VWDE: variants seen among roughly 807,000 people sequenced by gnomAD.
VWDE encodes the protein von Willebrand factor D and EGF domain-containing protein.
In VWDE, 207 loss-of-function variants were observed where a neutral mutation model predicts 178.4. That is an observed-to-expected ratio of 1.16 (90% CI 1.04 to 1.30). VWDE has a LOEUF of 1.30. Among genes scored for constraint, VWDE ranks in the 50% most tolerant of loss-of-function variants. The probability of loss-of-function intolerance (pLI) is 0.00; values close to 1 mark genes in which losing one functional copy is unlikely to be tolerated. For synonymous variants in VWDE, 738 were observed against 651.4 expected (o/e 1.13, Z -2.02); for missense variants, 2,287 against 1,901.3 (o/e 1.20, Z -3.77).
In VWDE at chr7:12,372,448, T is replaced by A. The variant is rs373116005; in HGVS notation, c.1587+529A>T. Among the ~76,000 whole-genome samples the A allele has an allele frequency of 4.3e-4, 66 of 152,198 alleles. 1 individual carries two copies. In the South Asian group the frequency reaches 0.013, roughly 30 times the overall value. On this transcript the variant is annotated intron_variant, in intron 10 of 28. Coordinates refer to ENST00000275358, the MANE Select transcript of VWDE (RefSeq NM_001135924.3). ...TGGAATTACTTGTTTGAAAGATGAA[T>A]GGAAGGTGGCTATGACCTGAAAATA...
intron 13 of VWDE, among the ~76,000 whole-genome samples, chr7:12,362,655 C>T (rs1305351563): frequency 2.0e-5 from 3 of 152,090 alleles, no homozygotes; most frequent in Non-Finnish European, 2.9e-5. Flanking sequence ...TGTCATAGAG[C>T]ATGCTGATGC....
rs1300145381 is a variant in VWDE at position 12,370,274 on chromosome 7, C to T, written c.2032G>A (p.Val678Ile). ...GATGTATGCTTGTTTATCTCTCTGA[C>T]AAGAGTGTCTGAATTAATATATTCG... Reference protein sequence around the residue: ...TSEYINSDTLVREINKHTSPE... With the variant: ...TSEYINSDTLIREINKHTSPE... Residue 678 changes from valine (V) to isoleucine (I), a missense_variant, in exon 12 of 29, where the codon GTC becomes ATC. Physicochemically the swap from Val to Ile is conservative, Grantham distance 29. Coordinates refer to ENST00000275358, the MANE Select transcript of VWDE (RefSeq NM_001135924.3). 1.9e-6 allele frequency: 3 copies of T among 1,551,096 alleles called. No individual in the cohort carries two copies. Among genetic ancestry groups the T allele is most frequent in the African/African-American group, 1.4e-5 (1 of 73,088 alleles).
intron 13 of VWDE, among the ~76,000 whole-genome samples, chr7:12,362,590 T>A (rs1299770870): frequency 6.6e-6 from 1 of 152,098 alleles, no homozygotes; most frequent in Non-Finnish European, 1.5e-5. Context: ...AAAATTTAGA[T>A]TTAGATTTTT....
Position 12,373,242 on chromosome 7 carries a change from T to A in VWDE, c.1322A>T (p.Tyr441Phe). 1 of 1,550,566 alleles carries A rather than the reference T, an allele frequency of 6.4e-7. No individual in the cohort carries two copies. The highest frequency in any genetic ancestry group is 8.7e-7 in the Non-Finnish European group (1 of 1,146,578). ...PHIITFDGRV[Y>F]DNFKTGTFVL... is the part of the protein sequence containing the mutation. ...AAATGTTCCAGTCTTGAAATTATCA[T>A]ATACCCTATCATTAACAAAAGGCAA... is the stretch of plus-strand genomic sequence containing the variant. Residue 441 changes from tyrosine (Y) to phenylalanine (F), a missense_variant, in exon 10 of 29, where the codon TAT becomes TTT. By Grantham distance (22) the Tyr-to-Phe change is conservative. Coordinates refer to ENST00000275358, the MANE Select transcript of VWDE (RefSeq NM_001135924.3).
At chr7:12,352,842 T>A (rs912891521) in intron 18 of VWDE, among the ~76,000 whole-genome samples, 9 of 152,172 alleles carry the variant, frequency 5.9e-5, no homozygotes, top group Non-Finnish European at 1.3e-4. Flanking sequence ...TATAACTTAG[T>A]TTTTTCTCTT....
intron 7 of VWDE, chr7:12,377,549 T>C: frequency 3.0e-6 from 1 of 330,824 alleles, no homozygotes; most frequent in Non-Finnish European, 5.4e-6. Flanking sequence ...TATTCACTAT[T>C]TTTTTTCTTT....
intron 6 of VWDE, 44 bp downstream of exon 6, chr7:12,379,433 T>C (rs1783713023): frequency 2.9e-6 from 4 of 1,400,860 alleles, no homozygotes; most frequent in South Asian, 1.3e-5. Flanking sequence ...GGAAACATAG[T>C]TCCAGAGGAA....
At chr7:12,342,433 G>A (rs1235696799) in intron 22 of VWDE, among the ~76,000 whole-genome samples, 1 of 151,990 alleles carries the variant, frequency 6.6e-6, no homozygotes, top group African/African-American at 2.4e-5. Context: ...AGTTATTGAT[G>A]AAAGCAATCA....
intron 14 of VWDE, 49 bp downstream of exon 14, chr7:12,361,317 T>C (rs999474803): frequency 1.8e-5 from 28 of 1,538,860 alleles, no homozygotes; most frequent in Non-Finnish European, 2.4e-5. Flanking sequence ...TATGAAATGT[T>C]AAGTATTTAC....
In VWDE at chr7:12,369,861, G is replaced by C; in HGVS notation, c.2445C>G (p.Ala815=). 6.4e-7 allele frequency: 1 copy of C among 1,551,474 alleles called. No individual in the cohort carries two copies. The highest frequency in any genetic ancestry group is 8.7e-7 in the Non-Finnish European group (1 of 1,146,876). Residue 815 remains alanine, a synonymous_variant, in exon 12 of 29, where the codon GCC becomes GCG. Transcript: ENST00000275358. ...STLTLCQETL[A]NSSIGRLCLA... is the part of the protein sequence containing the mutation. ...GACACAGCCTTCCTATGCTGGAGTT[G>C]GCTAGAGTCTCCTGACAGAGGGTCA...
chr7:12,374,542 C>G (rs1783402571), intron 9 of VWDE, 147 bp downstream of exon 9: 1 of 532,940 alleles, frequency 1.9e-6, no homozygotes, highest in South Asian at 3.4e-5. Context: ...CACAAATAAA[C>G]TAGTATCTTG....
At chr7:12,332,371 A>G (rs1411632496) in intron 28 of VWDE, among the ~76,000 whole-genome samples, 1 of 152,102 alleles carries the variant, frequency 6.6e-6, no homozygotes, top group African/African-American at 2.4e-5. Flanking sequence ...ATGCATTCTT[A>G]GAAGCAGCAT....
At chr7:12,376,776 G>A in intron 7 of VWDE, among the ~76,000 whole-genome samples, 1 of 152,050 alleles carries the variant, frequency 6.6e-6, no homozygotes, top group East Asian at 1.9e-4. Context: ...ATCTGAGCGA[G>A]TAGGTAGGTA....
Position 12,331,142 on chromosome 7 carries a change from T to C in VWDE, c.*41A>G, listed in dbSNP as rs769026303. ...ACTTTTTCTGAACAAAATATTTCCA[T>C]TCTTAAGATACAGGCTTGTAATTCA... On this transcript the variant is annotated 3_prime_UTR_variant, in exon 29 of 29. Coordinates refer to ENST00000275358, the MANE Select transcript of VWDE (RefSeq NM_001135924.3). 1.1e-5 allele frequency: 17 copies of C among 1,501,956 alleles called. No individual in the cohort carries two copies. Among genetic ancestry groups the C allele is most frequent in the Non-Finnish European group, 1.4e-5 (16 of 1,116,970 alleles). The allele number at this position is 1,501,956 out of a possible 1,614,324, so 93.0% of individuals were successfully genotyped here. A position where few individuals can be genotyped will look rare whatever the true frequency, so the allele number is the denominator to read the frequency against.
chr7:12,337,413 G>A (rs1781106183), intron 24 of VWDE, 141 bp from the exon 25 acceptor site: 8 of 763,914 alleles, frequency 1.0e-5, no homozygotes, highest in Middle Eastern at 2.5e-4. Context: ...CATTAAACCT[G>A]TCCTTTCTAA....
At chr7:12,391,128 T>A (rs894644383) in intron 2 of VWDE, among the ~76,000 whole-genome samples, 1 of 152,254 alleles carries the variant, frequency 6.6e-6, no homozygotes. Flanking sequence ...CAATTGAACA[T>A]ATAACATGAA....
At chr7:12,384,084 C>A (rs551223204) in intron 3 of VWDE, among the ~76,000 whole-genome samples, 1 of 152,138 alleles carries the variant, frequency 6.6e-6, no homozygotes, top group East Asian at 1.9e-4. Context: ...TCATAATTGC[C>A]CAAACTTGCA....
intron 7 of VWDE, among the ~76,000 whole-genome samples, chr7:12,376,940 A>C (rs1322261715): frequency 6.6e-6 from 1 of 151,860 alleles, no homozygotes; most frequent in Non-Finnish European, 1.5e-5. Context: ...TCTCTGATTT[A>C]ATTATTTATA....
chr7:12,336,134 G>A lies in VWDE; in HGVS notation c.4654+7C>T, dbSNP rs1019508647. 1.9e-6 allele frequency: 3 copies of A among 1,548,646 alleles called. No individual in the cohort carries two copies. The highest frequency in any genetic ancestry group is 2.6e-6 in the Non-Finnish European group (3 of 1,145,388). On this transcript the variant is annotated splice_region_variant and intron_variant, in intron 27 of 28. Transcript: ENST00000275358. ...CATATAGTAGGAAAAACATCCTGTGGGCTTACGTATTTGACACCGCACTCC... is the reference window on the plus strand; with the variant it reads ...CATATAGTAGGAAAAACATCCTGTGAGCTTACGTATTTGACACCGCACTCC...
Sources: allele counts gnomAD v4.1 joint callset (sites outside exome capture counted in the v4.1 genomes callset), GRCh38; gene constraint gnomAD v4.1.1; transcripts MANE v1.5; gene names NCBI Gene and HGNC (gene_info 2026-07-23, HGNC 2026-07-21).